TENM1: variants seen among roughly 807,000 people sequenced by gnomAD.
The protein encoded by TENM1 is teneurin-1.
TENM1 carries 35 observed loss-of-function variants against 174.8 expected under a neutral mutation model. That is an observed-to-expected ratio of 0.20 (90% CI 0.15 to 0.27). TENM1 has a LOEUF of 0.27. Ranked by LOEUF, TENM1 falls within the 10% of genes least tolerant of loss-of-function variation. The pLI is 1.00. For synonymous variants in TENM1, 781 were observed against 798.7 expected, an observed-to-expected ratio of 0.98 and a Z score of 0.37; for missense variants, 1,633 against 2,130.1, an observed-to-expected ratio of 0.77 and a Z score of 4.59.
chrX:124,541,017 A>G, intron 15 of TENM1, among the ~76,000 whole-genome samples: 1 of 112,480 alleles, frequency 8.9e-6, no homozygotes, highest in Non-Finnish European at 1.9e-5. Context: ...GTGATGGAAT[A>G]TATCACAAGT....
At chrX:124,793,241 T>C (rs2055220324) in intron 3 of TENM1, among the ~76,000 whole-genome samples, 1 of 111,895 alleles carries the variant, frequency 8.9e-6, no homozygotes, top group African/African-American at 3.2e-5. Flanking sequence ...TAGTGGTTTC[T>C]ATGATGATCA....
intron 3 of TENM1, among the ~76,000 whole-genome samples, chrX:124,811,120 T>G (rs2055761634): frequency 9.0e-6 from 1 of 111,164 alleles, no homozygotes; most frequent in Non-Finnish European, 1.9e-5. Flanking sequence ...TGGGCAATGA[T>G]TTGACCTCAA....
In TENM1 at chrX:124,824,479, T is replaced by G. The variant is rs1603231174; in HGVS notation, c.535+69817A>C. Among the ~76,000 whole-genome samples the G allele has an allele frequency of 3.6e-5, 4 of 111,767 alleles. No homozygotes were observed. The Admixed American group carries it at 3.8e-4, about 11-fold the overall frequency. On this transcript the variant is annotated intron_variant, in intron 3 of 31. Transcript: ENST00000422452. ...CTGATGGAAGGAAGAACCAAACAGC[T>G]TAAGTAAAAGAAGGAGTGCCACATA...
chrX:124,780,341 C>T (rs1001504151), intron 3 of TENM1, among the ~76,000 whole-genome samples: 4 of 112,127 alleles, frequency 3.6e-5, no homozygotes, highest in Non-Finnish European at 5.6e-5. Flanking sequence ...TATAGTTCTG[C>T]TAGAGTAAGA....
chrX:124,801,792 A>G (rs2055459130), intron 3 of TENM1, among the ~76,000 whole-genome samples: 1 of 111,392 alleles, frequency 9.0e-6, no homozygotes, highest in Admixed American at 9.5e-5. Flanking sequence ...TGGTGACAAA[A>G]TCCCTCAGTA....
At chrX:125,065,490 T>C in the TENM1 span, among the ~76,000 whole-genome samples, 1 of 111,506 alleles carries the variant, frequency 9.0e-6, no homozygotes, top group South Asian at 3.8e-4. Flanking sequence ...TAAAAATCTG[T>C]AAAGGCCACC....
At position 124,449,970 on chromosome X, in the gene TENM1, T is replaced by C. The variant is rs761245522; in HGVS notation, c.4104+3367A>G. 9.1e-5 allele frequency among the ~76,000 whole-genome samples: 10 copies of C among 110,436 alleles called. No homozygotes were observed. In the South Asian group the frequency reaches 4.0e-3, roughly 44 times the overall value. ...GCAAGGTTTCTTAGGGGTGTGTTCC[T>C]TTTACTTACTAATATGGTTTTGCTG... On this transcript the variant is annotated intron_variant, in intron 23 of 31. Transcript: ENST00000422452.
intron 11 of TENM1, among the ~76,000 whole-genome samples, chrX:124,582,466 T>A (rs913094553): frequency 1.8e-5 from 2 of 112,215 alleles, no homozygotes; most frequent in African/African-American, 6.5e-5. Context: ...TTAGATGTAT[T>A]CTTAAGTATT....
chrX:124,471,409 ATATATAGTAATATATTATATAT>A lies in TENM1; in HGVS notation c.3949+10301_3949+10322del, dbSNP rs1569533492. 3.1e-3 allele frequency among the ~76,000 whole-genome samples: 106 copies of A among 34,523 alleles called. 13 individuals carry two copies. The highest frequency in any genetic ancestry group is 0.012 in the African/African-American group (99 of 8,208). The allele number at this position is 34,523 out of a possible 115,157, so 30.0% of individuals were successfully genotyped here. On this transcript the variant is annotated intron_variant, in intron 22 of 31. Transcript: ENST00000422452. The stretch of plus-strand genomic sequence containing the variant: ...AGTACTATATATAATATATATTATA[ATATATAGTAATATATTATATAT>A]TATATAATATATAGTACTATATATA...
intron 18 of TENM1, among the ~76,000 whole-genome samples, chrX:124,506,289 A>G (rs1486801293): frequency 9.0e-6 from 1 of 111,220 alleles, no homozygotes; most frequent in African/African-American, 3.3e-5. Context: ...AGTAACAGTT[A>G]AAGATCCTCC....
chrX:125,006,168 C>T, the TENM1 span, among the ~76,000 whole-genome samples: 2 of 111,804 alleles, frequency 1.8e-5, no homozygotes, highest in Non-Finnish European at 1.9e-5. Context: ...CTGGGGCAAT[C>T]GAGTTTGGTA....
intron 22 of TENM1, among the ~76,000 whole-genome samples, chrX:124,463,209 A>T (rs1257742605): frequency 1.8e-5 from 2 of 111,439 alleles, no homozygotes; most frequent in Non-Finnish European, 3.8e-5. Flanking sequence ...TTTCAGGCTG[A>T]TTTTTCTTAC....
chrX:125,149,068 G>GGTTCT, the TENM1 span, among the ~76,000 whole-genome samples: 359 of 96,306 alleles, frequency 3.7e-3, 1 homozygote, highest in South Asian at 9.0e-3. Flanking sequence ...AGGCATTCAA[G>GGTTCT]GTTCTGTCTA....
the TENM1 span, among the ~76,000 whole-genome samples, chrX:125,066,563 T>C: frequency 9.0e-6 from 1 of 111,689 alleles, no homozygotes; most frequent in South Asian, 3.7e-4. Flanking sequence ...GGGTCTCAAT[T>C]TTGTAACCTA....
intron 25 of TENM1, among the ~76,000 whole-genome samples, chrX:124,410,826 T>C (rs2060523539): frequency 8.9e-6 from 1 of 112,221 alleles, no homozygotes; most frequent in Non-Finnish European, 1.9e-5. Context: ...CTTGACAAGC[T>C]CACTCTATCA....
At chrX:124,922,686 T>C (rs1192223979) in intron 1 of TENM1, among the ~76,000 whole-genome samples, 3 of 111,402 alleles carry the variant, frequency 2.7e-5, no homozygotes, top group Non-Finnish European at 3.8e-5. Flanking sequence ...ATTTTTTACT[T>C]GCAGCTCTCA....
the TENM1 span, among the ~76,000 whole-genome samples, chrX:125,196,009 GGAAC>G: frequency 0.015 from 1,449 of 96,157 alleles, 29 homozygotes; most frequent in African/African-American, 0.056. Flanking sequence ...AAGAAAAGAA[GGAAC>G]GAAGGAAGGA....
intron 3 of TENM1, among the ~76,000 whole-genome samples, chrX:124,759,216 C>G (rs772279200): frequency 9.0e-6 from 1 of 111,475 alleles, no homozygotes; most frequent in South Asian, 3.8e-4. Flanking sequence ...ATAGGGCAGA[C>G]AAGTTATAAT....
At chrX:124,688,720 A>G (rs2052439001) in intron 5 of TENM1, 1 of 112,071 alleles carries the variant, frequency 8.9e-6, no homozygotes, top group African/African-American at 3.3e-5. Flanking sequence ...GGCCTCTGCT[A>G]TGTTTTTAAT....
Sources: allele counts gnomAD v4.1 joint callset (sites outside exome capture counted in the v4.1 genomes callset), GRCh38; gene constraint gnomAD v4.1.1; transcripts MANE v1.5; gene names NCBI Gene and HGNC (gene_info 2026-07-23, HGNC 2026-07-21).